Variants in RAD50 observed in about 807,000 individuals in gnomAD.
The protein encoded by RAD50 is RAD50 double strand break repair protein, also known as DNA repair protein RAD50.
A neutral mutation model predicts 168.8 loss-of-function variants in RAD50; 132 were observed. That is an observed-to-expected ratio of 0.78 (90% CI 0.68 to 0.90). RAD50 has a LOEUF of 0.90. RAD50 is among the 40% of genes least tolerant of loss of function. The probability of loss-of-function intolerance (pLI) is 0.00; values close to 1 mark genes in which losing one functional copy is unlikely to be tolerated. For synonymous variants in RAD50, 525 were observed against 497.4 expected, an observed-to-expected ratio of 1.06 and a Z score of -0.74; for missense variants, 1,347 against 1,534.4, an observed-to-expected ratio of 0.88 and a Z score of 2.04.
At chr5:132,630,873 G>A (rs1349676846) in intron 21 of RAD50, 1 of 152,068 alleles carries the variant, frequency 6.6e-6, no homozygotes, top group African/African-American at 2.4e-5. Context: ...AAAAACCATG[G>A]CTTCAGTCTG....
At chr5:132,623,219 C>T (rs1198515525) in intron 21 of RAD50, among the ~76,000 whole-genome samples, 1 of 152,188 alleles carries the variant, frequency 6.6e-6, no homozygotes, top group East Asian at 1.9e-4. Context: ...TGGCTCATGC[C>T]TGTAAGCCCA....
At chr5:132,613,245 A>G (rs1167230121) in intron 19 of RAD50, among the ~76,000 whole-genome samples, 1 of 152,204 alleles carries the variant, frequency 6.6e-6, no homozygotes, top group Admixed American at 6.5e-5. Flanking sequence ...AGTCCACAGA[A>G]TAAAATAATT....
chr5:132,588,863 A>C lies in RAD50; in HGVS notation c.1228A>C (p.Thr410Pro). The stretch of plus-strand genomic sequence containing the variant: ...AGAGAGACAAGAAGGGGAAGCAAAA[A>C]CTGCCAACCAACTGATGGCAAGTAT... ...VRERQEGEAK[T>P]ANQLMNDFAE... Residue 410 changes from threonine to proline, a missense_variant, in exon 8 of 25, where the codon ACT (threonine) becomes CCT (proline). By Grantham distance (38) the Thr-to-Pro change is conservative. This residue lies in a region of RAD50 where 703 missense variants were observed against 767.7 expected (regional missense o/e 0.92). Transcript: ENST00000378823. 2 of 1,613,074 alleles carry C rather than the reference A, an allele frequency of 1.2e-6. No homozygotes were observed. Among genetic ancestry groups the C allele is most frequent in the Non-Finnish European group, 1.7e-6 (2 of 1,179,092 alleles).
chr5:132,630,043 C>A, intron 21 of RAD50, among the ~76,000 whole-genome samples: 1 of 141,288 alleles, frequency 7.1e-6, no homozygotes, highest in Non-Finnish European at 1.5e-5. Context: ...TTAGGTAATA[C>A]TTTTTTTTTT....
chr5:132,586,630 C>T (rs1360507122), intron 5 of RAD50, among the ~76,000 whole-genome samples: 2 of 152,000 alleles, frequency 1.3e-5, no homozygotes, highest in African/African-American at 2.4e-5. Context: ...ATGTTAAAGT[C>T]GAGGATGCAT....
At chr5:132,591,553 T>G in intron 10 of RAD50, 147 bp downstream of exon 10, 1 of 806,714 alleles carries the variant, frequency 1.2e-6, no homozygotes, top group Non-Finnish European at 2.0e-6. Flanking sequence ...ATAATAGACT[T>G]TCAAGCTTAA....
chr5:132,576,619 T>G (rs929488845), intron 3 of RAD50, among the ~76,000 whole-genome samples: 1 of 152,240 alleles, frequency 6.6e-6, no homozygotes, highest in African/African-American at 2.4e-5. Flanking sequence ...ATTGCCATTT[T>G]AACACACTCA....
intron 3 of RAD50, 102 bp from the exon 4 acceptor site, chr5:132,579,215 T>C (rs1750456302): frequency 7.8e-7 from 1 of 1,281,776 alleles, no homozygotes; most frequent in African/African-American, 1.5e-5. Context: ...GAAGGGCCTT[T>C]TTTTTTATTC....
rs555562672 is a variant in RAD50, at chr5:132,619,459, G to A, written c.3389+1165G>A. Among the ~76,000 whole-genome samples the A allele has an allele frequency of 6.6e-5, 10 of 152,108 alleles. No individual in the cohort carries two copies. In the East Asian group the frequency reaches 1.9e-3, roughly 29 times the overall value. On this transcript the variant is annotated intron_variant, in intron 21 of 24. Transcript: ENST00000378823. ...TTGTCACCTAGGCTAGAGTGCAATG[G>A]TGCAATCATAGTTCAGTGTAACCTC... is the stretch of plus-strand genomic sequence containing the variant.
At chr5:132,578,302 G>C (rs1466572480) in intron 3 of RAD50, among the ~76,000 whole-genome samples, 2 of 152,096 alleles carry the variant, frequency 1.3e-5, no homozygotes, top group African/African-American at 2.4e-5. Flanking sequence ...CCTAAGTCTT[G>C]ATATGTCTTT....
rs111304372 is a variant in RAD50, at chr5:132,619,685, A to G, written c.3389+1391A>G. Among the ~76,000 whole-genome samples, 323 of 151,672 alleles carry G rather than the reference A, an allele frequency of 2.1e-3. 3 individuals are homozygous for G. Among genetic ancestry groups the G allele is most frequent in the African/African-American group, 6.9e-3 (284 of 41,356 alleles). Reference sequence around the variant, plus strand: ...ATTATGCTTATCTTTTTTACTTAGCATCTTTTGATGACACTGGATTTGATT... The same window carrying G: ...ATTATGCTTATCTTTTTTACTTAGCGTCTTTTGATGACACTGGATTTGATT... On this transcript the variant is annotated intron_variant, in intron 21 of 24. Transcript: ENST00000378823.
chr5:132,573,096 G>T (rs1750335429), intron 2 of RAD50, among the ~76,000 whole-genome samples: 1 of 152,134 alleles, frequency 6.6e-6, no homozygotes. Context: ...CCTGATTTTT[G>T]TTGTTGAAAA....
In RAD50 at chr5:132,579,882, C is replaced by T. The variant is rs2230017; in HGVS notation, c.572C>T (p.Thr191Ile). Residue 191 changes from threonine to isoleucine, a missense_variant, in exon 5 of 25, where the codon ACA (threonine) becomes ATA (isoleucine). Thr to Ile is a moderately conservative substitution (Grantham distance 89). Around this residue, in one of 3 missense-constraint regions of RAD50, gnomAD observed 703 missense variants for 767.7 expected, o/e 0.92. Transcript: ENST00000378823. ...CAAAGATACATTAAAGCCTTAGAAACACTTCGGCAGGTACGTCAGACACAA... is the reference window on the plus strand; with the variant it reads ...CAAAGATACATTAAAGCCTTAGAAATACTTCGGCAGGTACGTCAGACACAA... ...SATRYIKALETLRQVRQTQGQ... is the reference protein window; with the variant it reads ...SATRYIKALEILRQVRQTQGQ... The T allele has an allele frequency of 1.0e-3, 1,630 of 1,612,294 alleles. 9 individuals are homozygous for T. The African/African-American group carries it at 0.015, about 15-fold the overall frequency.
In RAD50 at chr5:132,587,873, C is replaced by T. The variant is rs768839629; in HGVS notation, c.886-51C>T. ...TTTATATTTGATACCTCAAAGTGAT[C>T]ATATTTTCTTATGTTTGTACATTAA... On this transcript the variant is annotated intron_variant, in intron 6 of 24. Transcript: ENST00000378823. 3 of 1,581,804 alleles carry T rather than the reference C, an allele frequency of 1.9e-6. No individual in the cohort carries two copies. In the South Asian group the frequency reaches 3.3e-5, roughly 18 times the overall value.
intron 2 of RAD50, among the ~76,000 whole-genome samples, chr5:132,563,281 A>T (rs886390633): frequency 1.3e-5 from 2 of 152,230 alleles, no homozygotes; most frequent in Admixed American, 1.3e-4. Context: ...ATTCTTGAGT[A>T]GGCAAAAAGA....
intron 21 of RAD50, among the ~76,000 whole-genome samples, chr5:132,623,655 T>C (rs766944829): frequency 6.6e-6 from 1 of 152,238 alleles, no homozygotes; most frequent in African/African-American, 2.4e-5. Context: ...GTCTATCTAG[T>C]AGTTCTGTTC....
intron 2 of RAD50, among the ~76,000 whole-genome samples, chr5:132,562,925 A>T (rs1460765838): frequency 6.6e-6 from 1 of 152,192 alleles, no homozygotes; most frequent in Non-Finnish European, 1.5e-5. Context: ...AAGACAAGAG[A>T]ATAAAGTGTT....
intron 21 of RAD50, among the ~76,000 whole-genome samples, chr5:132,634,988 TCC>T (rs924385713): frequency 3.3e-5 from 5 of 152,188 alleles, no homozygotes; most frequent in African/African-American, 1.2e-4. Flanking sequence ...TGTACTTTTT[TCC>T]CCTTATGTTT....
chr5:132,636,835 G>A (rs896214924), intron 21 of RAD50, among the ~76,000 whole-genome samples: 12 of 152,062 alleles, frequency 7.9e-5, no homozygotes, highest in Admixed American at 6.5e-4. Context: ...AAGTATTTAC[G>A]TAAAGGAGTA....
Sources: allele counts gnomAD v4.1 joint callset (sites outside exome capture counted in the v4.1 genomes callset), GRCh38; gene constraint gnomAD v4.1.1; regional missense constraint gnomAD v4.1.1; transcripts MANE v1.5; gene names NCBI Gene and HGNC (gene_info 2026-07-23, HGNC 2026-07-21).